The following ZNF804B variants were observed in gnomAD, a reference collection of about 807,000 sequenced individuals.
ZNF804B encodes zinc finger 804B.
Under a neutral mutation model 101.4 loss-of-function variants are expected in ZNF804B, and 80 were observed. The ratio of observed to expected loss-of-function variants is 0.79; its 90% CI spans 0.66 to 0.95. The LOEUF (loss-of-function observed/expected upper bound fraction) is 0.95. Among genes scored for constraint, ZNF804B ranks in the 40% least tolerant of loss-of-function variants. The pLI is 0.00. For missense variants in ZNF804B, 1,673 were observed against 1,561.9 expected (o/e 1.07, Z -1.20); for synonymous variants, 622 against 558.8 (o/e 1.11, Z -1.59).
At chr7:89,205,479 A>G (rs1431449507) in intron 1 of ZNF804B, among the ~76,000 whole-genome samples, 2 of 152,314 alleles carry the variant, frequency 1.3e-5, no homozygotes, top group African/African-American at 2.4e-5. Context: ...GGTACAGGCA[A>G]TGGTTAAATA....
chr7:88,925,920 A>G (rs1243875251), intron 1 of ZNF804B, among the ~76,000 whole-genome samples: 2 of 152,176 alleles, frequency 1.3e-5, no homozygotes, highest in Non-Finnish European at 2.9e-5. Flanking sequence ...CAGAATTGTG[A>G]CATGCTTCCT....
intron 1 of ZNF804B, among the ~76,000 whole-genome samples, chr7:89,209,127 T>C (rs10259889): frequency 0.037 from 5,632 of 152,298 alleles, 109 homozygotes; most frequent in Admixed American, 0.044. Context: ...TGTTTCTTCA[T>C]GTACAGAAAT....
intron 1 of ZNF804B, among the ~76,000 whole-genome samples, chr7:89,040,503 T>C (rs891628612): frequency 1.1e-4 from 17 of 152,230 alleles, no homozygotes; most frequent in African/African-American, 4.1e-4. Flanking sequence ...TCTGATTTCA[T>C]TGATACATTG....
chr7:89,066,211 C>T (rs1233427048), intron 1 of ZNF804B, among the ~76,000 whole-genome samples: 1 of 150,780 alleles, frequency 6.6e-6, no homozygotes, highest in Non-Finnish European at 1.5e-5. Context: ...ATATTGATCA[C>T]AGTCACAGCG....
chr7:89,225,871 A>T (rs1789080862), intron 2 of ZNF804B, among the ~76,000 whole-genome samples: 1 of 152,176 alleles, frequency 6.6e-6, no homozygotes, highest in South Asian at 2.1e-4. Context: ...ATTTAGAAAA[A>T]TAATCCTAAA....
chr7:88,787,051 T>C (rs1346579179), intron 1 of ZNF804B, among the ~76,000 whole-genome samples: 2 of 152,008 alleles, frequency 1.3e-5, no homozygotes, highest in Non-Finnish European at 2.9e-5. Flanking sequence ...ACAGAGGACA[T>C]AATTTGATTG....
At chr7:88,930,012 T>G (rs996201247) in intron 1 of ZNF804B, among the ~76,000 whole-genome samples, 5 of 151,970 alleles carry the variant, frequency 3.3e-5, no homozygotes, top group Non-Finnish European at 5.9e-5. Context: ...GTTTTGGTTC[T>G]ATTCAGTGTA....
chr7:88,841,641 TG>T (rs1791294073), intron 1 of ZNF804B, among the ~76,000 whole-genome samples: 1 of 152,162 alleles, frequency 6.6e-6, no homozygotes, highest in South Asian at 2.1e-4. Flanking sequence ...TTCAGAGAGT[TG>T]TGTAAATCCT....
rs563132397 is a variant in ZNF804B, at chr7:89,008,916, C to G, written c.109-209239C>G. 2.0e-5 allele frequency among the ~76,000 whole-genome samples: 3 copies of G among 152,232 alleles called. No homozygotes were observed. The South Asian group carries it at 6.2e-4, about 32-fold the overall frequency. ...TGATGTTTTCCTTGTTACCCTTGAA[C>G]ATGTTCAGGTTTCTCTCATGCTCGA... On this transcript the variant is annotated intron_variant, in intron 1 of 3. Coordinates refer to ENST00000333190, the MANE Select transcript of ZNF804B (RefSeq NM_181646.5).
rs186316488 is a variant in ZNF804B, at chr7:89,247,392, C to T, written c.249+29097C>T. On this transcript the variant is annotated intron_variant, in intron 2 of 3. Transcript: ENST00000333190. ...CAGGTGTATACCGAGCTGTGTTGGT[C>T]GCAGCTAGCTCTTAACTATAAGCAC... is the stretch of plus-strand genomic sequence containing the variant. 1.3e-4 allele frequency among the ~76,000 whole-genome samples: 20 copies of T among 152,250 alleles called. No individual in the cohort carries two copies. In the East Asian group the frequency reaches 1.6e-3, roughly 12 times the overall value.
At chr7:88,982,415 T>C (rs1468472591) in intron 1 of ZNF804B, among the ~76,000 whole-genome samples, 6 of 152,086 alleles carry the variant, frequency 3.9e-5, no homozygotes, top group African/African-American at 1.4e-4. Flanking sequence ...ATAAACTGAA[T>C]GGCTTAACTA....
intron 1 of ZNF804B, among the ~76,000 whole-genome samples, chr7:88,843,316 C>G (rs1791314562): frequency 6.6e-6 from 1 of 152,062 alleles, no homozygotes; most frequent in Non-Finnish European, 1.5e-5. Flanking sequence ...GAAATTGAAA[C>G]TCAAATGATT....
chr7:89,264,492 CT>C (rs1425558956), intron 2 of ZNF804B, among the ~76,000 whole-genome samples: 1 of 152,176 alleles, frequency 6.6e-6, no homozygotes, highest in Non-Finnish European at 1.5e-5. Flanking sequence ...ATTGCCCTCA[CT>C]TTGATATTTG....
At chr7:89,133,628 A>G (rs892839028) in intron 1 of ZNF804B, among the ~76,000 whole-genome samples, 1 of 152,064 alleles carries the variant, frequency 6.6e-6, no homozygotes, top group Non-Finnish European at 1.5e-5. Flanking sequence ...TTAAGAAATA[A>G]CAAAGTTGTC....
At chr7:89,116,167 G>C (rs2116359583) in intron 1 of ZNF804B, among the ~76,000 whole-genome samples, 1 of 151,762 alleles carries the variant, frequency 6.6e-6, no homozygotes, top group South Asian at 2.1e-4. Context: ...ACCCACCTAG[G>C]CCTCCCAGAG....
At position 89,047,632 on chromosome 7, in the gene ZNF804B, C is replaced by G. The variant is rs148274659; in HGVS notation, c.109-170523C>G. ...ATGTTCAATAAGCTATGGGAGGAGTCGTAAATGTTCACAAATGGAGAAACA... is the reference window on the plus strand; with the variant it reads ...ATGTTCAATAAGCTATGGGAGGAGTGGTAAATGTTCACAAATGGAGAAACA... On this transcript the variant is annotated intron_variant, in intron 1 of 3. Transcript: ENST00000333190. 1.6e-4 allele frequency among the ~76,000 whole-genome samples: 25 copies of G among 152,192 alleles called. No homozygotes were observed. The East Asian group carries it at 4.3e-3, about 26-fold the overall frequency.
intron 1 of ZNF804B, among the ~76,000 whole-genome samples, chr7:88,940,570 G>A (rs1386041173): frequency 6.6e-6 from 1 of 151,730 alleles, no homozygotes; most frequent in African/African-American, 2.4e-5. Context: ...AGGAGCTTGA[G>A]ATCAGCCTGG....
chr7:89,310,343 A>G (rs1397418644), intron 2 of ZNF804B, among the ~76,000 whole-genome samples: 1 of 152,160 alleles, frequency 6.6e-6, no homozygotes, highest in Non-Finnish European at 1.5e-5. Flanking sequence ...CACTGAAGCC[A>G]AGATTCTGAT....
At chr7:88,985,796 T>G (rs1470159866) in intron 1 of ZNF804B, among the ~76,000 whole-genome samples, 2 of 152,082 alleles carry the variant, frequency 1.3e-5, no homozygotes, top group East Asian at 3.9e-4. Context: ...AAGTGTTCTA[T>G]AACCACCATG....
Sources: gnomAD v4.1 joint callset for allele counts (sites outside exome capture counted in the v4.1 genomes callset) on GRCh38, gnomAD v4.1.1 for gene constraint, MANE v1.5 for transcripts, NCBI Gene and HGNC (gene_info 2026-07-23, HGNC 2026-07-21) for gene names.